ZNF487: variants seen among roughly 807,000 people sequenced by gnomAD.
The protein encoded by ZNF487 is zinc finger protein 487.
In ZNF487, 4 loss-of-function variants were observed where a neutral mutation model predicts 3.0. The observed-to-expected ratio is 1.35, with a 90% confidence interval of 0.66 to 3.08. The LOEUF (loss-of-function observed/expected upper bound fraction) is 3.08. Ranked by LOEUF, ZNF487 falls within the 30% of genes most tolerant of loss-of-function variation. The pLI is 0.01. For synonymous variants in ZNF487, 55 were observed against 34.6 expected (o/e 1.59, Z -2.06); for missense variants, 146 against 98.7 (o/e 1.48, Z -2.03).
intron 1 of ZNF487, among the ~76,000 whole-genome samples, chr10:43,442,514 G>C (rs1446099057): frequency 6.6e-6 from 1 of 152,016 alleles, no homozygotes; most frequent in Non-Finnish European, 1.5e-5. Flanking sequence ...CACGATCTCG[G>C]CTCACTGCAA....
intron 1 of ZNF487, among the ~76,000 whole-genome samples, chr10:43,472,831 A>G (rs1486626702): frequency 1.3e-5 from 2 of 152,102 alleles, no homozygotes; most frequent in Non-Finnish European, 1.5e-5. Flanking sequence ...GTTATAATTT[A>G]TAAAGGATTT....
At chr10:43,500,032 C>T in the ZNF487 span, among the ~76,000 whole-genome samples, 3 of 151,988 alleles carry the variant, frequency 2.0e-5, no homozygotes, top group African/African-American at 4.8e-5. Flanking sequence ...TACAGGCATG[C>T]ACCACCACAC....
intron 1 of ZNF487, among the ~76,000 whole-genome samples, chr10:43,443,208 A>AC (rs1839680574): frequency 6.6e-6 from 1 of 150,862 alleles, no homozygotes; most frequent in South Asian, 2.1e-4. Context: ...GATTACAGGC[A>AC]CCCGCCACCA....
chr10:43,438,423 T>A (rs1442506470), intron 1 of ZNF487, among the ~76,000 whole-genome samples: 1 of 152,254 alleles, frequency 6.6e-6, no homozygotes, highest in African/African-American at 2.4e-5. Context: ...TGACCTCAGG[T>A]GATCCACCTG....
At chr10:43,448,159 T>C (rs193205609) in intron 1 of ZNF487, among the ~76,000 whole-genome samples, 1 of 151,652 alleles carries the variant, frequency 6.6e-6, no homozygotes, top group Non-Finnish European at 1.5e-5. Flanking sequence ...CCGGCTAATT[T>C]TTTGTATTTT....
chr10:43,473,610 C>T (rs1322574357), intron 1 of ZNF487, among the ~76,000 whole-genome samples: 1 of 152,050 alleles, frequency 6.6e-6, no homozygotes, highest in Non-Finnish European at 1.5e-5. Context: ...GCTCCGCCTC[C>T]CGGGTTCACG....
intron 3 of ZNF487, among the ~76,000 whole-genome samples, chr10:43,479,980 T>TTTCC (rs768189752): frequency 4.1e-5 from 2 of 48,308 alleles, no homozygotes; most frequent in Non-Finnish European, 1.1e-4. Context: ...CTTTTCTTTC[T>TTTCC]TTCCTTCTTT....
intron 1 of ZNF487, among the ~76,000 whole-genome samples, chr10:43,448,142 A>T (rs1460800252): frequency 6.6e-6 from 1 of 151,808 alleles, no homozygotes; most frequent in Non-Finnish European, 1.5e-5. Flanking sequence ...GGTGCCTGCC[A>T]TCATGCCCGG....
chr10:43,512,945 A>C, the ZNF487 span, among the ~76,000 whole-genome samples: 1 of 152,212 alleles, frequency 6.6e-6, no homozygotes. Context: ...CAGGCCCCAC[A>C]CCACTGGACC....
chr10:43,495,921 AG>A, the ZNF487 span: 4 of 441,538 alleles, frequency 9.1e-6, no homozygotes, highest in African/African-American at 8.0e-5. Flanking sequence ...TTTTTCTTTG[AG>A]TATCAATAGT....
At chr10:43,517,037 T>G in the ZNF487 span, among the ~76,000 whole-genome samples, 1 of 152,210 alleles carries the variant, frequency 6.6e-6, no homozygotes, top group Non-Finnish European at 1.5e-5. Flanking sequence ...CTCAACTGCG[T>G]CCAAATTTCT....
chr10:43,438,063 T>G (rs905511729), intron 1 of ZNF487, among the ~76,000 whole-genome samples: 3 of 152,152 alleles, frequency 2.0e-5, no homozygotes, highest in African/African-American at 7.2e-5. Context: ...CCATTTGTTT[T>G]TTCTTTCTCC....
At chr10:43,509,481 A>ATATC in the ZNF487 span, among the ~76,000 whole-genome samples, 67 of 146,586 alleles carry the variant, frequency 4.6e-4, 1 homozygote, top group African/African-American at 1.6e-3. Context: ...ATATATATAT[A>ATATC]TCATGGGAGT....
chr10:43,496,012 T>C, the ZNF487 span: 72 of 532,286 alleles, frequency 1.4e-4, no homozygotes, highest in Non-Finnish European at 2.2e-4. Context: ...ATGTACTTTT[T>C]CAGGGATCAG....
chr10:43,490,500 CTTTTTTTTTT>C, the ZNF487 span, among the ~76,000 whole-genome samples: 267 of 39,160 alleles, frequency 6.8e-3, 6 homozygotes, highest in African/African-American at 0.023. Context: ...AGTAGCTCTA[CTTTTTTTTTT>C]TTTTTTTTTT....
At chr10:43,450,478 G>A (rs1466046585) in intron 1 of ZNF487, among the ~76,000 whole-genome samples, 1 of 152,016 alleles carries the variant, frequency 6.6e-6, no homozygotes, top group Non-Finnish European at 1.5e-5. Flanking sequence ...TCAGCCTCCT[G>A]AGTATCTGGG....
At chr10:43,513,874 C>T in the ZNF487 span, among the ~76,000 whole-genome samples, 5 of 152,158 alleles carry the variant, frequency 3.3e-5, no homozygotes, top group East Asian at 1.9e-4. Context: ...CCCCTGGAAT[C>T]GTTAGCTCAG....
the ZNF487 span, among the ~76,000 whole-genome samples, chr10:43,519,527 G>A: frequency 6.6e-6 from 1 of 151,206 alleles, no homozygotes; most frequent in Non-Finnish European, 1.5e-5. Flanking sequence ...GATTGCACTG[G>A]TGCGATCTTG....
intron 1 of ZNF487, among the ~76,000 whole-genome samples, chr10:43,462,558 C>T (rs903400819): frequency 3.6e-4 from 52 of 146,304 alleles, no homozygotes; most frequent in Admixed American, 2.6e-3. Flanking sequence ...TGGGTTCAAG[C>T]GACTCTTCTG....
Sources: gnomAD v4.1 joint callset for allele counts (sites outside exome capture counted in the v4.1 genomes callset) on GRCh38, gnomAD v4.1.1 for gene constraint, MANE v1.5 for transcripts, NCBI Gene and HGNC (gene_info 2026-07-23, HGNC 2026-07-21) for gene names.